Variants in DLC1 observed in about 807,000 individuals in gnomAD.
The protein encoded by DLC1 is rho GTPase-activating protein 7.
A neutral mutation model predicts 140.3 loss-of-function variants in DLC1; 54 were observed. The observed-to-expected ratio is 0.38, with a 90% CI of 0.31 to 0.48. DLC1 has a LOEUF of 0.48. Ranked by LOEUF, DLC1 falls within the 20% of genes least tolerant of loss-of-function variation. The pLI is 0.96. For missense variants in DLC1, 2,536 were observed against 1,907.0 expected (o/e 1.33, Z -6.14); for synonymous variants, 986 against 728.1 (o/e 1.35, Z -5.70).
intron 1 of DLC1, among the ~76,000 whole-genome samples, chr8:13,589,200 C>T (rs1041061633): frequency 6.6e-6 from 1 of 152,060 alleles, no homozygotes; most frequent in African/African-American, 2.4e-5. Context: ...ACAACTTAAC[C>T]ATTCTTAGCC....
intron 5 of DLC1, among the ~76,000 whole-genome samples, chr8:13,282,857 C>T (rs1831412212): frequency 6.6e-6 from 1 of 152,132 alleles, no homozygotes; most frequent in South Asian, 2.1e-4. Flanking sequence ...ATACTAACCC[C>T]TTGCTGTTTC....
chr8:13,501,974 C>T (rs565421487), intron 1 of DLC1, among the ~76,000 whole-genome samples: 3 of 152,178 alleles, frequency 2.0e-5, no homozygotes, highest in African/African-American at 7.2e-5. Context: ...TAGAAAGAGC[C>T]GGCTCACTTA....
Position 13,095,215 on chromosome 8 carries a change from C to T in DLC1, c.3198G>A (p.Lys1066=), listed in dbSNP as rs1195231221. 1.2e-6 allele frequency: 2 copies of T among 1,614,122 alleles called. No individual in the cohort carries two copies. Among genetic ancestry groups the T allele is most frequent in the East Asian group, 2.2e-5 (1 of 44,884 alleles). The stretch of plus-strand genomic sequence containing the variant: ...CACTCCGGTCCTTGTAGTCTGGAAC[C>T]TTGATCCTCTTCATGAACTTGGGCA... ...WAVPKFMKRI[K]VPDYKDRSVF... is the part of the protein sequence containing the mutation. Residue 1066 remains lysine, a synonymous_variant, in exon 11 of 18, where the codon AAG becomes AAA. Coordinates refer to ENST00000276297, the MANE Select transcript of DLC1 (RefSeq NM_182643.3).
chr8:13,369,360 A>G (rs2117109523), intron 4 of DLC1, among the ~76,000 whole-genome samples: 1 of 151,688 alleles, frequency 6.6e-6, no homozygotes, highest in South Asian at 2.1e-4. Context: ...GGGTCGAAAA[A>G]AAAAAAAAAA....
chr8:13,553,813 C>T (rs555462968), intron 1 of DLC1, among the ~76,000 whole-genome samples: 6 of 152,238 alleles, frequency 3.9e-5, no homozygotes, highest in South Asian at 2.1e-4. Flanking sequence ...CCAAGTCCTC[C>T]GCATTAAAAA....
At chr8:13,123,150 G>T (rs543123896) in intron 5 of DLC1, among the ~76,000 whole-genome samples, 1 of 152,142 alleles carries the variant, frequency 6.6e-6, no homozygotes, top group African/African-American at 2.4e-5. Flanking sequence ...CAAGGTCCAC[G>T]TGTTTGTTAA....
chr8:13,214,587 G>C, intron 5 of DLC1: 1 of 680,616 alleles, frequency 1.5e-6, no homozygotes, highest in Non-Finnish European at 2.7e-6. Flanking sequence ...GGCTGCCCGA[G>C]GAAATTGGAG....
chr8:13,401,156 C>G (rs1270465980), intron 3 of DLC1, among the ~76,000 whole-genome samples: 6 of 152,290 alleles, frequency 3.9e-5, no homozygotes, highest in Non-Finnish European at 5.9e-5. Flanking sequence ...CAGAGTCTCT[C>G]TCGTATCAGA....
intron 5 of DLC1, among the ~76,000 whole-genome samples, chr8:13,153,278 A>G (rs1387931729): frequency 6.6e-6 from 1 of 152,084 alleles, no homozygotes; most frequent in East Asian, 1.9e-4. Flanking sequence ...TGAGTGTTAC[A>G]GCCCTTAAGG....
intron 5 of DLC1, among the ~76,000 whole-genome samples, chr8:13,196,913 A>G (rs923148241): frequency 1.3e-5 from 2 of 152,184 alleles, no homozygotes; most frequent in African/African-American, 4.8e-5. Flanking sequence ...ATTAAAATCT[A>G]TCTTAGAACT....
chr8:13,218,335 G>C (rs1454968169), intron 5 of DLC1, among the ~76,000 whole-genome samples: 3 of 152,184 alleles, frequency 2.0e-5, no homozygotes, highest in Admixed American at 1.3e-4. Context: ...ATTTGGCAAT[G>C]CTGTCTTAGA....
chr8:13,327,313 G>T (rs1370092121), intron 4 of DLC1, among the ~76,000 whole-genome samples: 1 of 152,044 alleles, frequency 6.6e-6, no homozygotes, highest in African/African-American at 2.4e-5. Flanking sequence ...GCATCAAAGA[G>T]TGATGCCCCA....
In DLC1 at chr8:13,328,886, A is replaced by G. The variant is rs1833481305; in HGVS notation, c.1315-23584T>C. Among the ~76,000 whole-genome samples, 7 of 152,172 alleles carry G rather than the reference A, an allele frequency of 4.6e-5. No individual in the cohort carries two copies. The South Asian group carries it at 1.4e-3, about 32-fold the overall frequency. On this transcript the variant is annotated intron_variant, in intron 4 of 17. Coordinates refer to ENST00000276297, the MANE Select transcript of DLC1 (RefSeq NM_182643.3). ...GGCTGGAGTGATCTGGGACTAGGTGAGATGAGAATGCAAATGTGATCATTT... is the reference window on the plus strand; with the variant it reads ...GGCTGGAGTGATCTGGGACTAGGTGGGATGAGAATGCAAATGTGATCATTT...
chr8:13,097,646 A>G (rs1818617351), intron 10 of DLC1, among the ~76,000 whole-genome samples: 1 of 152,192 alleles, frequency 6.6e-6, no homozygotes, highest in Non-Finnish European at 1.5e-5. Flanking sequence ...GGTCTCATTA[A>G]ATCTTATTGT....
chr8:13,303,083 G>C (rs56907882), intron 5 of DLC1, among the ~76,000 whole-genome samples: 8 of 151,752 alleles, frequency 5.3e-5, no homozygotes, highest in African/African-American at 1.9e-4. Flanking sequence ...TCACTGCCTT[G>C]AAAAAAAATC....
intron 5 of DLC1, among the ~76,000 whole-genome samples, chr8:13,252,060 T>C (rs1184764212): frequency 6.6e-6 from 1 of 152,202 alleles, no homozygotes; most frequent in Middle Eastern, 3.2e-3. Context: ...GCAAGTGACC[T>C]TTAAGACTGT....
chr8:13,536,008 C>T (rs2117318154), intron 1 of DLC1: 1 of 152,206 alleles, frequency 6.6e-6, no homozygotes, highest in Admixed American at 6.5e-5. Context: ...TTCATCTTAA[C>T]ACCAAGGAGA....
chr8:13,321,397 G>A (rs1461915587), intron 4 of DLC1, among the ~76,000 whole-genome samples: 1 of 152,026 alleles, frequency 6.6e-6, no homozygotes, highest in Non-Finnish European at 1.5e-5. Context: ...AATTAGCCAT[G>A]TGTGGTGGTG....
chr8:13,438,827 C>A (rs926571542), intron 2 of DLC1, among the ~76,000 whole-genome samples: 1 of 152,166 alleles, frequency 6.6e-6, no homozygotes, highest in African/African-American at 2.4e-5. Context: ...TGATTCACTG[C>A]ACTTATCAAG....
Sources: allele counts gnomAD v4.1 joint callset (sites outside exome capture counted in the v4.1 genomes callset), GRCh38; gene constraint gnomAD v4.1.1; transcripts MANE v1.5; gene names NCBI Gene and HGNC (gene_info 2026-07-23, HGNC 2026-07-21).